Variants in PCDHA3 observed in about 807,000 individuals in gnomAD.
PCDHA3 encodes the protein protocadherin alpha 3, also known as protocadherin alpha-3.
A neutral mutation model predicts 62.2 loss-of-function variants in PCDHA3; 41 were observed. That is an observed-to-expected ratio of 0.66 (90% CI 0.51 to 0.86). PCDHA3 has a LOEUF of 0.86. Among genes scored for constraint, PCDHA3 ranks in the 40% least tolerant of loss-of-function variants. The pLI is 0.00. For synonymous variants in PCDHA3, 640 were observed against 555.4 expected (o/e 1.15, Z -2.14); for missense variants, 1,304 against 1,241.2 (o/e 1.05, Z -0.76).
chr5:140,822,604 G>A, intron 1 of PCDHA3: 1 of 1,608,228 alleles, frequency 6.2e-7, no homozygotes, highest in Non-Finnish European at 8.5e-7. Context: ...TAAGGAAATA[G>A]TGTATTTCTT....
At chr5:140,996,082 T>A (rs782553216) in intron 3 of PCDHA3, among the ~76,000 whole-genome samples, 6 of 152,248 alleles carry the variant, frequency 3.9e-5, no homozygotes, top group Non-Finnish European at 7.3e-5. Context: ...AAGATGTTTT[T>A]GCTAGATTAC....
chr5:140,927,339 A>G lies in PCDHA3; in HGVS notation c.2395-51610A>G, dbSNP rs532353795. 3.7e-6 allele frequency: 6 copies of G among 1,614,052 alleles called. No individual in the cohort carries two copies. The South Asian group carries it at 4.4e-5, about 12-fold the overall frequency. The stretch of plus-strand genomic sequence containing the variant: ...CCCGCTTTACTCTCCCGAATGCCCA[A>G]GATGACGACGAGGGAAGCAATGGGA... On this transcript the variant is annotated intron_variant, in intron 1 of 3. Transcript: ENST00000522353.
chr5:140,998,826 AGTGCTGGATTACTG>A (rs1301277298), intron 3 of PCDHA3, among the ~76,000 whole-genome samples: 1 of 152,240 alleles, frequency 6.6e-6, no homozygotes, highest in Non-Finnish European at 1.5e-5. Flanking sequence ...GGCCTCCCAA[AGTGCTGGATTACTG>A]GTGTGAGCCA....
chr5:140,954,161 C>G (rs2094990748), intron 1 of PCDHA3, among the ~76,000 whole-genome samples: 1 of 152,200 alleles, frequency 6.6e-6, no homozygotes, highest in African/African-American at 2.4e-5. Context: ...ATATGTACCA[C>G]ATTTTCTTTA....
chr5:140,863,155 T>G (rs1554157838), intron 1 of PCDHA3: 1 of 635,268 alleles, frequency 1.6e-6, no homozygotes, highest in Admixed American at 1.9e-5. Context: ...GAAGGACCAC[T>G]GCGAGCTGGC....
intron 1 of PCDHA3, among the ~76,000 whole-genome samples, chr5:140,902,390 A>G (rs1051277099): frequency 2.6e-5 from 4 of 151,960 alleles, no homozygotes; most frequent in Admixed American, 1.3e-4. Flanking sequence ...TAAGAGTACT[A>G]TGTTGAATAC....
intron 1 of PCDHA3, chr5:140,870,008 G>A (rs2051578395): frequency 1.2e-6 from 2 of 1,613,528 alleles, no homozygotes; most frequent in Non-Finnish European, 1.7e-6. Flanking sequence ...GGAGAAGTGA[G>A]GGTCAATGGA....
chr5:140,902,290 A>G (rs1252691615), intron 1 of PCDHA3, among the ~76,000 whole-genome samples: 1 of 146,394 alleles, frequency 6.8e-6, no homozygotes, highest in Non-Finnish European at 1.5e-5. Context: ...CTCCTGCCTC[A>G]GCCTCCCAAA....
chr5:140,859,697 G>T (rs1233998662), intron 1 of PCDHA3: 1 of 154,148 alleles, frequency 6.5e-6, no homozygotes, highest in Non-Finnish European at 1.4e-5. Flanking sequence ...TATTGTTCAA[G>T]TTTAGGAACA....
intron 1 of PCDHA3, chr5:140,825,399 A>G (rs1460047226): frequency 2.7e-5 from 4 of 145,886 alleles, no homozygotes; most frequent in Non-Finnish European, 6.0e-5. Flanking sequence ...TATCTAATAT[A>G]TTATATATTT....
intron 1 of PCDHA3, among the ~76,000 whole-genome samples, chr5:140,898,111 T>C (rs1319791706): frequency 6.6e-6 from 1 of 152,184 alleles, no homozygotes; most frequent in Non-Finnish European, 1.5e-5. Context: ...ATGAGTAGGT[T>C]GCGAAAATTT....
At chr5:140,904,570 G>T (rs1377408350) in intron 1 of PCDHA3, among the ~76,000 whole-genome samples, 1 of 151,378 alleles carries the variant, frequency 6.6e-6, no homozygotes, top group African/African-American at 2.4e-5. Context: ...TTTTCCTCTG[G>T]GTAGACACCC....
intron 1 of PCDHA3, chr5:140,828,831 AC>A: frequency 6.2e-7 from 1 of 1,614,230 alleles, no homozygotes; most frequent in African/African-American, 1.3e-5. Context: ...CAGTCTGAAT[AC>A]GAAGTAAGAA....
chr5:140,809,621 T>C, intron 1 of PCDHA3: 1 of 1,510,150 alleles, frequency 6.6e-7, no homozygotes, highest in Non-Finnish European at 8.9e-7. Flanking sequence ...TTTTTCTCTA[T>C]CAACTTCTTC....
chr5:140,810,523 T>G (rs782023770), intron 1 of PCDHA3: 1 of 152,260 alleles, frequency 6.6e-6, no homozygotes, highest in Non-Finnish European at 1.5e-5. Context: ...GCCATTTTAC[T>G]GGGTGACTTT....
chr5:140,863,264 C>T (rs1432032847), intron 1 of PCDHA3: 3 of 1,454,794 alleles, frequency 2.1e-6, no homozygotes, highest in Non-Finnish European at 1.9e-6. Context: ...GTCCGGGAGG[C>T]AGCGCTGGTG....
intron 1 of PCDHA3, chr5:140,857,339 T>A (rs2044519052): frequency 1.3e-6 from 2 of 1,597,956 alleles, no homozygotes; most frequent in Non-Finnish European, 1.7e-6. Context: ...GGACGGGGGC[T>A]CGCCTCCGCT....
chr5:140,928,223 A>G (rs2085050678), intron 1 of PCDHA3: 1 of 1,614,178 alleles, frequency 6.2e-7, no homozygotes. Flanking sequence ...AATACACCAA[A>G]CTTTCCTCAA....
At chr5:140,975,365 A>G (rs186836387) in intron 1 of PCDHA3, among the ~76,000 whole-genome samples, 5 of 152,370 alleles carry the variant, frequency 3.3e-5, no homozygotes, top group Admixed American at 2.0e-4. Context: ...GCTACATAGC[A>G]TAATGTAATC....
Sources: gnomAD v4.1 joint callset for allele counts (sites outside exome capture counted in the v4.1 genomes callset) on GRCh38, gnomAD v4.1.1 for gene constraint, MANE v1.5 for transcripts, NCBI Gene and HGNC (gene_info 2026-07-23, HGNC 2026-07-21) for gene names.